The following AHRR variants were observed in gnomAD, a reference collection of about 807,000 sequenced individuals.
AHRR encodes the protein aryl hydrocarbon receptor repressor.
A neutral mutation model predicts 44.0 loss-of-function variants in AHRR; 28 were observed. The observed-to-expected ratio is 0.64, with a 90% CI of 0.47 to 0.87. AHRR has a LOEUF of 0.87. Ranked by LOEUF, AHRR falls within the 40% of genes least tolerant of loss-of-function variation. AHRR has a pLI of 0.00. For synonymous variants in AHRR, 434 were observed against 407.0 expected, an observed-to-expected ratio of 1.07 and a Z score of -0.80; for missense variants, 990 against 953.9, an observed-to-expected ratio of 1.04 and a Z score of -0.50.
chr5:366,726 C>T (rs935899184), intron 3 of AHRR, among the ~76,000 whole-genome samples: 3 of 152,194 alleles, frequency 2.0e-5, no homozygotes, highest in Non-Finnish European at 2.9e-5. Context: ...CGGCATTGTG[C>T]ACCCCGCAAC....
chr5:362,038 C>CCCCTA (rs1312728537), intron 3 of AHRR, among the ~76,000 whole-genome samples: 1 of 152,166 alleles, frequency 6.6e-6, no homozygotes, highest in Non-Finnish European at 1.5e-5. Flanking sequence ...GAAGCCCTAG[C>CCCCTA]CCCTAGTTTG....
In AHRR at chr5:404,008, T is replaced by A; in HGVS notation, c.352-9336T>A. Reference sequence around the variant, plus strand: ...TTTCTTTACAGTAATTCGAACTTGGTGTTTTTTCTTAATCCACGGCTGAAT... The same window carrying A: ...TTTCTTTACAGTAATTCGAACTTGGAGTTTTTTCTTAATCCACGGCTGAAT... On this transcript the variant is annotated intron_variant, in intron 4 of 10. Coordinates refer to ENST00000684583, the MANE Select transcript of AHRR (RefSeq NM_001377236.1). This position sits in a 1 kb window ranked among gnomAD's most constrained non-coding sequence, Gnocchi z 4.1. 1 of 937,184 alleles carries A rather than the reference T, an allele frequency of 1.1e-6. No individual in the cohort carries two copies. Among genetic ancestry groups the A allele is most frequent in the Non-Finnish European group, 1.7e-6 (1 of 575,916 alleles). The allele number at this position is 937,184 out of a possible 1,614,324, so 58.1% of individuals were successfully genotyped here.
chr5:335,712 C>G (rs10054850), intron 1 of AHRR, among the ~76,000 whole-genome samples: 6,370 of 152,342 alleles, frequency 0.042, 187 homozygotes, highest in South Asian at 0.06. Context: ...ACCTGCATCC[C>G]TTTCATGCCC....
intron 8 of AHRR, 110 bp downstream of exon 8, chr5:428,116 T>C (rs12188678): frequency 0.35 from 441,250 of 1,267,110 alleles, 85,358 homozygotes; most frequent in Non-Finnish European, 0.4. Context: ...CAGCCAGTAA[T>C]AAGTCAGTTT....
At chr5:396,541 C>T (rs546522075) in intron 4 of AHRR, among the ~76,000 whole-genome samples, 33 of 152,230 alleles carry the variant, frequency 2.2e-4, no homozygotes, top group Non-Finnish European at 3.8e-4. Flanking sequence ...CATCTCCTGG[C>T]CTGGCATTTT....
chr5:362,930 C>T (rs915512395), intron 3 of AHRR, among the ~76,000 whole-genome samples: 12 of 152,238 alleles, frequency 7.9e-5, no homozygotes, highest in Non-Finnish European at 1.8e-4. Flanking sequence ...TGGACTGATT[C>T]TCCTTCTGTG....
Position 338,529 on chromosome 5 carries a change from G to A in AHRR, c.-10-5364G>A, listed in dbSNP as rs1742220529. On this transcript the variant is annotated intron_variant, in intron 1 of 10. Transcript: ENST00000684583. This position sits in a 1 kb window ranked among gnomAD's most constrained non-coding sequence, Gnocchi z 4.1. ...TTATTTTTGATCCTTTGTACCCAGT[G>A]CCTATTTTCTCTGGCTTTTAATATT... is the stretch of plus-strand genomic sequence containing the variant. Among the ~76,000 whole-genome samples the A allele has an allele frequency of 1.3e-5, 2 of 152,034 alleles. No homozygotes were observed. Among genetic ancestry groups the A allele is most frequent in the South Asian group, 4.1e-4 (2 of 4,830 alleles).
At chr5:428,083 T>G (rs1053801266) in intron 8 of AHRR, 77 bp downstream of exon 8, 114 of 1,447,968 alleles carry the variant, frequency 7.9e-5, no homozygotes, top group Non-Finnish European at 1.0e-4. Flanking sequence ...CTCAGTGTTT[T>G]CTGTGTCTTC....
At position 395,114 on chromosome 5, in the gene AHRR, G is replaced by A. The variant is rs546785303; in HGVS notation, c.352-18230G>A. ...GACCCCAAAGCCCCTGCCCTGGGCC[G>A]TGGCTCCCAATCTCCTCCACACCTA... On this transcript the variant is annotated intron_variant, in intron 4 of 10. Coordinates refer to ENST00000684583, the MANE Select transcript of AHRR (RefSeq NM_001377236.1). The surrounding 1 kb of genome is among the most constrained non-coding windows in gnomAD (Gnocchi z 5.3). Among the ~76,000 whole-genome samples, 18 of 152,286 alleles carry A rather than the reference G, an allele frequency of 1.2e-4. No individual in the cohort carries two copies. In the South Asian group the frequency reaches 1.2e-3, roughly 11 times the overall value.
chr5:373,801 G>T (rs1743666386), intron 3 of AHRR, among the ~76,000 whole-genome samples: 1 of 151,242 alleles, frequency 6.6e-6, no homozygotes, highest in Non-Finnish European at 1.5e-5. Flanking sequence ...CCCGCCACGC[G>T]CCTGGCGCTC....
At chr5:415,391 CCGAGTCTGCCTGGTCGGGT>C (rs1735699647) in intron 5 of AHRR, among the ~76,000 whole-genome samples, 1 of 138,880 alleles carries the variant, frequency 7.2e-6, no homozygotes, top group Admixed American at 7.3e-5. Flanking sequence ...GGCCTAGGGG[CCGAGTCTGCCTGGTCGGGT>C]GGGAGGCCTA....
Position 399,192 on chromosome 5 carries a change from C to T in AHRR, c.352-14152C>T, listed in dbSNP as rs114867995. 4.7e-3 allele frequency among the ~76,000 whole-genome samples: 715 copies of T among 152,330 alleles called. 6 individuals carry two copies. Among genetic ancestry groups the T allele is most frequent in the African/African-American group, 0.016 (671 of 41,572 alleles). On this transcript the variant is annotated intron_variant, in intron 4 of 10. Transcript: ENST00000684583. ...ACTCTAGCCCCAGGGTCTCTGAGGCCGGGGCTGGTGGTGCAGGACACACCC... is the reference window on the plus strand; with the variant it reads ...ACTCTAGCCCCAGGGTCTCTGAGGCTGGGGCTGGTGGTGCAGGACACACCC...
rs570662519 is a variant in AHRR, at chr5:429,776, C to T, written c.908+1770C>T. On this transcript the variant is annotated intron_variant, in intron 8 of 10. Transcript: ENST00000684583. ...AGCCCAGTGGGAATCTCTGGCATAG[C>T]GCCCAGGAGTGATTGGCTGAGGCTG... is the stretch of plus-strand genomic sequence containing the variant. Among the ~76,000 whole-genome samples, 6 of 152,340 alleles carry T rather than the reference C, an allele frequency of 3.9e-5. No individual in the cohort carries two copies. The East Asian group carries it at 5.8e-4, about 15-fold the overall frequency.
At chr5:361,221 C>G (rs752507305) in intron 3 of AHRR, among the ~76,000 whole-genome samples, 1 of 152,216 alleles carries the variant, frequency 6.6e-6, no homozygotes, top group Non-Finnish European at 1.5e-5. Flanking sequence ...GCCTGGGCGA[C>G]AGAGCAAGAC....
intron 4 of AHRR, among the ~76,000 whole-genome samples, chr5:410,559 A>AC (rs35548983): frequency 0.84 from 127,712 of 152,062 alleles, 54,103 homozygotes; most frequent in Non-Finnish European, 0.89. Context: ...AAGAAAAAAA[A>AC]CTTTAAAATG....
chr5:432,667 G>A lies in AHRR; in HGVS notation c.971-139G>A, dbSNP rs896297622. On this transcript the variant is annotated intron_variant, in intron 9 of 10. Coordinates refer to ENST00000684583, the MANE Select transcript of AHRR (RefSeq NM_001377236.1). Reference sequence around the variant, plus strand: ...GAGACTTGGTGTCTGTCCTGCTGTGGACAAGTGCCGTTCCTGGGCTCTGGT... The same window carrying A: ...GAGACTTGGTGTCTGTCCTGCTGTGAACAAGTGCCGTTCCTGGGCTCTGGT... 35 of 1,515,076 alleles carry A rather than the reference G, an allele frequency of 2.3e-5. No homozygotes were observed. In the Admixed American group the frequency reaches 5.9e-4, roughly 25 times the overall value. 93.9% of individuals were successfully genotyped at this position (1,515,076 alleles called of 1,614,324 possible).
At chr5:415,302 GTCGGGTGGGAGGCCTAGGGGCCGAA>G (rs1735679457) in intron 5 of AHRR, among the ~76,000 whole-genome samples, 1 of 148,104 alleles carries the variant, frequency 6.8e-6, no homozygotes, top group African/African-American at 2.6e-5. Context: ...AATCTGCCTG[GTCGGGTGGGAGGCCTAGGGGCCGAA>G]TCTGCCTGGT....
At chr5:414,528 C>A (rs531670325) in intron 5 of AHRR, among the ~76,000 whole-genome samples, 1 of 152,066 alleles carries the variant, frequency 6.6e-6, no homozygotes, top group Admixed American at 6.5e-5. Flanking sequence ...CAAAAATACC[C>A]GCCCTGCAAA....
intron 1 of AHRR, among the ~76,000 whole-genome samples, chr5:341,124 C>T (rs1742334997): frequency 6.6e-6 from 1 of 151,926 alleles, no homozygotes; most frequent in Admixed American, 6.6e-5. Flanking sequence ...AAATGATTCT[C>T]CTGTCTCAGC....
Sources: gnomAD v4.1 joint callset for allele counts (sites outside exome capture counted in the v4.1 genomes callset) on GRCh38, gnomAD v4.1.1 for gene constraint, Gnocchi (gnomAD v3.1) non-coding constraint, MANE v1.5 for transcripts, NCBI Gene and HGNC (gene_info 2026-07-23, HGNC 2026-07-21) for gene names.